The following ARHGEF7 variants were observed in gnomAD, a reference collection of about 807,000 sequenced individuals.
ARHGEF7 encodes Rho guanine nucleotide exchange factor 7.
A neutral mutation model predicts 109.8 loss-of-function variants in ARHGEF7; 33 were observed. The ratio of observed to expected loss-of-function variants is 0.30; its 90% CI spans 0.23 to 0.40. The LOEUF (loss-of-function observed/expected upper bound fraction) is 0.40, where lower values mean the gene tolerates loss of function less well. Among genes scored for constraint, ARHGEF7 ranks in the 10% least tolerant of loss-of-function variants. ARHGEF7 has a pLI of 1.00. For synonymous variants in ARHGEF7, 458 were observed against 424.6 expected (o/e 1.08, Z -0.97); for missense variants, 938 against 1,098.5 (o/e 0.85, Z 2.07).
intron 18 of ARHGEF7, among the ~76,000 whole-genome samples, chr13:111,291,417 C>T (rs1358922881): frequency 2.0e-5 from 3 of 152,262 alleles, no homozygotes; most frequent in Non-Finnish European, 4.4e-5. Flanking sequence ...CCAGCAGACC[C>T]AGCTTCCCAC....
chr13:111,196,514 C>T (rs994458420), intron 2 of ARHGEF7, among the ~76,000 whole-genome samples: 61 of 152,326 alleles, frequency 4.0e-4, no homozygotes, highest in African/African-American at 1.4e-3. Context: ...CTGAAAACTT[C>T]CCCAGGTCTG....
In ARHGEF7 at chr13:111,228,611, C is replaced by G. The variant is rs780055633; in HGVS notation, c.671-4594C>G. Among the ~76,000 whole-genome samples, 2 of 152,154 alleles carry G rather than the reference C, an allele frequency of 1.3e-5. No individual in the cohort carries two copies. Among genetic ancestry groups the G allele is most frequent in the African/African-American group, 2.4e-5 (1 of 41,428 alleles). The stretch of plus-strand genomic sequence containing the variant: ...ATGGCACAATTATAACATTTTCGAA[C>G]AAAGATCGAGCGTCTTAGCAGATCA... On this transcript the variant is annotated intron_variant, in intron 5 of 21. Coordinates refer to ENST00000646102, the MANE Select transcript of ARHGEF7 (RefSeq NM_001354046.2). This position sits in a 1 kb window ranked among gnomAD's most constrained non-coding sequence, Gnocchi z 4.6.
At chr13:111,138,293 A>G (rs1050751712) in intron 1 of ARHGEF7, among the ~76,000 whole-genome samples, 12 of 152,104 alleles carry the variant, frequency 7.9e-5, no homozygotes, top group African/African-American at 2.9e-4. Context: ...AGCCTTGGCA[A>G]CAAGAGCGAA....
chr13:111,115,538 C>G lies in ARHGEF7; in HGVS notation c.12C>G (p.Ala4=), dbSNP rs767972743. ...CCCGGGCCGCAGCGATGAATTCCGC[C>G]GAGCAAACCGTTACGTGGCTCATCA... MNS[A]EQTVTWLITL... The change falls in exon 1 of 22, where the codon GCC becomes GCG. Residue 4 remains alanine, a synonymous_variant. Transcript: ENST00000646102. 2 of 1,388,706 alleles carry G rather than the reference C, an allele frequency of 1.4e-6. No homozygotes were observed. Among genetic ancestry groups the G allele is most frequent in the Admixed American group, 4.3e-5 (2 of 45,990 alleles). The allele number at this position is 1,388,706 out of a possible 1,614,324, so 86.0% of individuals were successfully genotyped here.
intron 8 of ARHGEF7, among the ~76,000 whole-genome samples, chr13:111,253,276 T>TA (rs1275117762): frequency 6.6e-6 from 1 of 152,232 alleles, no homozygotes; most frequent in African/African-American, 2.4e-5. Context: ...CAGTGGTTTG[T>TA]AAAAAATTGC....
At chr13:111,259,031 G>T (rs146507282) in intron 8 of ARHGEF7, among the ~76,000 whole-genome samples, 89 of 152,268 alleles carry the variant, frequency 5.8e-4, no homozygotes, top group African/African-American at 2.0e-3. Flanking sequence ...TTTTTCATGT[G>T]GCTTGGGTGC....
chr13:111,282,818 C>T (rs896905071), intron 15 of ARHGEF7: 1 of 426,408 alleles, frequency 2.3e-6, no homozygotes, highest in Non-Finnish European at 4.2e-6. Context: ...GATGAAGTAC[C>T]TTTTTTCTAT....
chr13:111,265,730 A>C (rs1333218555), intron 8 of ARHGEF7: 3 of 455,698 alleles, frequency 6.6e-6, no homozygotes, highest in Non-Finnish European at 1.3e-5. Context: ...GGAGGTGGGT[A>C]GGTTGTGAGG....
At chr13:111,174,374 G>A (rs181401898) in intron 2 of ARHGEF7, among the ~76,000 whole-genome samples, 5 of 152,252 alleles carry the variant, frequency 3.3e-5, no homozygotes, top group Non-Finnish European at 4.4e-5. Context: ...CATGTCTTCC[G>A]AATTCTTCAA....
chr13:111,229,005 T>A (rs1409564610), intron 5 of ARHGEF7, among the ~76,000 whole-genome samples: 1 of 151,846 alleles, frequency 6.6e-6, no homozygotes, highest in Non-Finnish European at 1.5e-5. Flanking sequence ...CAGAAGTGTG[T>A]TCTTCTCAAA....
intron 18 of ARHGEF7, 150 bp downstream of exon 18, chr13:111,288,593 A>T: frequency 2.1e-6 from 1 of 485,306 alleles, no homozygotes; most frequent in Middle Eastern, 2.9e-4. Flanking sequence ...GGTGGCAGGC[A>T]GGACAGCAGC....
intron 6 of ARHGEF7, among the ~76,000 whole-genome samples, chr13:111,243,396 C>T (rs574234891): frequency 6.6e-6 from 1 of 152,300 alleles, no homozygotes; most frequent in East Asian, 1.9e-4. Flanking sequence ...TCCTTGTTGT[C>T]CACGCCCCCA....
At chr13:111,220,888 C>T (rs927691114) in intron 5 of ARHGEF7, among the ~76,000 whole-genome samples, 9 of 151,428 alleles carry the variant, frequency 5.9e-5, no homozygotes, top group Non-Finnish European at 1.2e-4. Flanking sequence ...AGGGGCCACA[C>T]GGAATCCATA....
intron 6 of ARHGEF7, 25 bp from the exon 7 acceptor site, chr13:111,243,847 A>G (rs1197211602): frequency 6.8e-7 from 1 of 1,466,252 alleles, no homozygotes; most frequent in South Asian, 1.2e-5. Context: ...AATGTCAAAT[A>G]ACACTTATTC....
chr13:111,206,919 G>A (rs1278918080), intron 3 of ARHGEF7, among the ~76,000 whole-genome samples: 3 of 139,850 alleles, frequency 2.1e-5, no homozygotes, highest in East Asian at 2.1e-4. Flanking sequence ...CCGAGATCGC[G>A]CCACTGCACT....
intron 15 of ARHGEF7, chr13:111,282,782 T>G: frequency 3.1e-6 from 1 of 317,702 alleles, no homozygotes; most frequent in East Asian, 6.5e-5. Flanking sequence ...CCTGTGTGCT[T>G]TTGTGAAATT....
At chr13:111,260,308 A>T (rs1444232865) in intron 8 of ARHGEF7, among the ~76,000 whole-genome samples, 1 of 152,254 alleles carries the variant, frequency 6.6e-6, no homozygotes, top group African/African-American at 2.4e-5. Context: ...AGACTACCTT[A>T]TGGGATTTAA....
Position 111,209,961 on chromosome 13 carries a change from A to C in ARHGEF7, c.427A>C (p.Thr143Pro). ...CTCCCTTGGATCACAGTCTTTGCAC[A>C]CTCGGACTTCAAAACTGTTCCAGGG... The part of the protein sequence containing the change: ...FDSLGSQSLH[T>P]RTSKLFQGQY... Residue 143 changes from threonine (T) to proline (P), a missense_variant, in exon 4 of 22, where the codon ACT becomes CCT. Transcript: ENST00000646102. The C allele has an allele frequency of 6.2e-7, 1 of 1,614,112 alleles. No homozygotes were observed. The highest frequency in any genetic ancestry group is 8.5e-7 in the Non-Finnish European group (1 of 1,180,024).
chr13:111,160,935 G>A (rs1332079660), intron 2 of ARHGEF7, among the ~76,000 whole-genome samples: 1 of 152,156 alleles, frequency 6.6e-6, no homozygotes, highest in Admixed American at 6.5e-5. Context: ...CCAGTCTTGG[G>A]TATGTCTTTG....
Sources: allele counts gnomAD v4.1 joint callset (sites outside exome capture counted in the v4.1 genomes callset), GRCh38; gene constraint gnomAD v4.1.1; non-coding constraint Gnocchi (gnomAD v3.1); transcripts MANE v1.5; gene names NCBI Gene and HGNC (gene_info 2026-07-23, HGNC 2026-07-21).